ZNF701: variants seen among roughly 807,000 people sequenced by gnomAD.
The protein encoded by ZNF701 is zinc finger protein 701.
Under a neutral mutation model 7.1 loss-of-function variants are expected in ZNF701, and 6 were observed. The ratio of observed to expected loss-of-function variants is 0.84; its 90% CI spans 0.46 to 1.66. The LOEUF (loss-of-function observed/expected upper bound fraction) is 1.66. ZNF701 is among the 40% of genes most tolerant of loss of function. The pLI, the probability that ZNF701 is intolerant of heterozygous loss-of-function variation, is 0.01. For synonymous variants in ZNF701, 166 were observed against 188.2 expected, an observed-to-expected ratio of 0.88 and a Z score of 0.97; for missense variants, 541 against 559.2, an observed-to-expected ratio of 0.97 and a Z score of 0.33.
chr19:52,593,871 CG>C, the ZNF701 span, among the ~76,000 whole-genome samples: 43 of 111,598 alleles, frequency 3.9e-4, 11 homozygotes, highest in Non-Finnish European at 3.1e-4. Context: ...ACATCCCAGA[CG>C]ATGGGCGGCC....
chr19:52,580,479 A>G (rs2059968474), intron 3 of ZNF701, among the ~76,000 whole-genome samples: 1 of 148,752 alleles, frequency 6.7e-6, no homozygotes, highest in Admixed American at 6.7e-5. Context: ...CCTGCCTCAG[A>G]CCCCCAAAGT....
At chr19:52,580,894 CAT>C (rs1449795316) in intron 3 of ZNF701, among the ~76,000 whole-genome samples, 3 of 79,330 alleles carry the variant, frequency 3.8e-5, no homozygotes, top group Non-Finnish European at 7.7e-5. Flanking sequence ...GAGGCTGAGA[CAT>C]GTGGATCACC....
At chr19:52,581,953 C>T (rs543913203) in intron 3 of ZNF701, among the ~76,000 whole-genome samples, 2 of 152,236 alleles carry the variant, frequency 1.3e-5, no homozygotes, top group African/African-American at 2.4e-5. Context: ...TGACTTTAGG[C>T]TTACACATGT....
downstream of ZNF701, chr19:52,588,497 AAG>A (rs1481238184): frequency 3.8e-6 from 1 of 266,454 alleles, no homozygotes; most frequent in Non-Finnish European, 7.5e-6. Context: ...AAAAAAAAAA[AAG>A]AAAAATTAAA....
chr19:52,600,099 C>T, the ZNF701 span, among the ~76,000 whole-genome samples: 1 of 152,206 alleles, frequency 6.6e-6, no homozygotes, highest in South Asian at 2.1e-4. Context: ...TATTTCCCAT[C>T]ACATTCTGGT....
chr19:52,582,608 G>T lies in ZNF701; in HGVS notation c.549G>T (p.Arg183Ser), dbSNP rs757277365. ...CAGCATCCCAACGAATTTCCTGTAG[G>T]CCAAAAACTCGTATTTCTAATAAGT... ...SVSASQRISC[R>S]PKTRISNKYR... Residue 183 changes from arginine (R) to serine (S), a missense_variant, in exon 4 of 4, where the codon AGG becomes AGT. Coordinates refer to ENST00000391785, the MANE Select transcript of ZNF701 (RefSeq NM_018260.3). The T allele has an allele frequency of 1.2e-6, 2 of 1,614,086 alleles. No homozygotes were observed. Among genetic ancestry groups the T allele is most frequent in the Admixed American group, 3.3e-5 (2 of 60,000 alleles).
At chr19:52,577,128 C>T (rs573777140) in intron 3 of ZNF701, among the ~76,000 whole-genome samples, 1 of 152,312 alleles carries the variant, frequency 6.6e-6, no homozygotes, top group East Asian at 1.9e-4. Context: ...ATGAAAGAGT[C>T]TCACTGTGTT....
the ZNF701 span, among the ~76,000 whole-genome samples, chr19:52,593,006 A>G: frequency 8.6e-6 from 1 of 116,678 alleles, no homozygotes; most frequent in Non-Finnish European, 1.9e-5. Context: ...GCCTTCAAGC[A>G]TCTGTTTAAC....
chr19:52,580,948 A>T (rs1401492798), intron 3 of ZNF701, among the ~76,000 whole-genome samples: 1 of 91,508 alleles, frequency 1.1e-5, no homozygotes. Context: ...ATATGGTGAA[A>T]CCCCATCTCT....
At chr19:52,570,584 A>G (rs2059891156) in intron 1 of ZNF701, 1 of 152,138 alleles carries the variant, frequency 6.6e-6, no homozygotes, top group African/African-American at 2.4e-5. Context: ...TCTGTGCTCA[A>G]AACCGTTTTT....
downstream of ZNF701, among the ~76,000 whole-genome samples, chr19:52,588,143 G>T (rs2060022381): frequency 6.6e-6 from 1 of 151,984 alleles, no homozygotes; most frequent in South Asian, 2.1e-4. Context: ...CCCTGGTGAG[G>T]TCTCCCCTGT....
At chr19:52,588,706 C>G, downstream of ZNF701, 1 of 241,538 alleles carries the variant, frequency 4.1e-6, no homozygotes, top group Middle Eastern at 1.8e-3. Flanking sequence ...TCTGAAGCGT[C>G]CTAACTCACA....
At chr19:52,578,348 GCCCCTTGTCC>G (rs1568502907) in intron 3 of ZNF701, among the ~76,000 whole-genome samples, 2 of 151,826 alleles carry the variant, frequency 1.3e-5, no homozygotes, top group African/African-American at 4.8e-5. Context: ...AAAGGCAAGG[GCCCCTTGTCC>G]TATGATCACG....
At chr19:52,597,731 C>G in the ZNF701 span, 13 of 225,470 alleles carry the variant, frequency 5.8e-5, no homozygotes, top group Non-Finnish European at 1.1e-4. Context: ...AGGAGGCTGC[C>G]TGGAGGCCGG....
chr19:52,572,674 A>C (rs544269312), intron 1 of ZNF701: 169 of 348,510 alleles, frequency 4.8e-4, no homozygotes, highest in South Asian at 3.2e-3. Flanking sequence ...TCTAAAGCAG[A>C]TCATGTCAGT....
At chr19:52,572,490 A>G in intron 1 of ZNF701, 2 of 988,880 alleles carry the variant, frequency 2.0e-6, no homozygotes, top group Non-Finnish European at 2.7e-6. Context: ...TCTTTATCCC[A>G]GGTATGTGAA....
At chr19:52,573,669 C>T (rs888719223) in intron 1 of ZNF701, among the ~76,000 whole-genome samples, 2 of 152,036 alleles carry the variant, frequency 1.3e-5, no homozygotes, top group Admixed American at 1.3e-4. Context: ...ACGTGCACCA[C>T]CATACCTGGC....
the ZNF701 span, among the ~76,000 whole-genome samples, chr19:52,599,199 G>GTT: frequency 8.5e-5 from 12 of 141,422 alleles, no homozygotes; most frequent in African/African-American, 2.1e-4. Context: ...GGCTAACTTT[G>GTT]TTTTTTTTTT....
the ZNF701 span, among the ~76,000 whole-genome samples, chr19:52,593,760 G>GGGT: frequency 8.7e-6 from 1 of 114,498 alleles, no homozygotes; most frequent in African/African-American, 3.4e-5. Flanking sequence ...ATCCCAGACG[G>GGGT]GGTGGCAGGG....
Sources: allele counts gnomAD v4.1 joint callset (sites outside exome capture counted in the v4.1 genomes callset), GRCh38; gene constraint gnomAD v4.1.1; transcripts MANE v1.5; gene names NCBI Gene and HGNC (gene_info 2026-07-23, HGNC 2026-07-21).